The following MGAT4C variants were observed in gnomAD, a reference collection of about 807,000 sequenced individuals.
MGAT4C encodes the protein alpha-1,3-mannosyl-glycoprotein 4-beta-N-acetylglucosaminyltransferase C.
Under a neutral mutation model 40.1 loss-of-function variants are expected in MGAT4C, and 19 were observed. The observed-to-expected ratio is 0.47, with a 90% CI of 0.33 to 0.70. The LOEUF (loss-of-function observed/expected upper bound fraction) is 0.70, where lower values mean the gene tolerates loss of function less well. Ranked by LOEUF, MGAT4C falls within the 30% of genes least tolerant of loss-of-function variation. The pLI, the probability that MGAT4C is intolerant of heterozygous loss-of-function variation, is 0.02. For synonymous variants in MGAT4C, 181 were observed against 187.1 expected, an observed-to-expected ratio of 0.97 and a Z score of 0.27; for missense variants, 491 against 563.2, an observed-to-expected ratio of 0.87 and a Z score of 1.30.
At chr12:86,491,518 C>T (rs1169639703) in intron 2 of MGAT4C, among the ~76,000 whole-genome samples, 1 of 152,000 alleles carries the variant, frequency 6.6e-6, no homozygotes, top group Non-Finnish European at 1.5e-5. Context: ...CGTAATCCAG[C>T]ATATAAACAG....
At chr12:86,091,540 G>A (rs1300737741) in intron 1 of MGAT4C, among the ~76,000 whole-genome samples, 1 of 152,032 alleles carries the variant, frequency 6.6e-6, no homozygotes, top group South Asian at 2.1e-4. Context: ...ACCAATGTCA[G>A]CATCTAGAGA....
chr12:85,997,758 A>G (rs887924746), intron 2 of MGAT4C, among the ~76,000 whole-genome samples: 4 of 152,168 alleles, frequency 2.6e-5, no homozygotes, highest in African/African-American at 9.7e-5. Context: ...CTCTGCCCCA[A>G]TGGCTTTGCA....
rs193088389 is a variant in MGAT4C, at chr12:86,759,234, T to C, written c.-261-31993A>G. Among the ~76,000 whole-genome samples the C allele has an allele frequency of 1.1e-3, 169 of 152,276 alleles. 1 individual carries two copies. Among genetic ancestry groups the C allele is most frequent in the African/African-American group, 4.0e-3 (166 of 41,578 alleles). ...GTCATAATTTCATTATTTTTATGGCTGAATAGTATTCCATTGTGTATATAT... is the reference window on the plus strand; with the variant it reads ...GTCATAATTTCATTATTTTTATGGCCGAATAGTATTCCATTGTGTATATAT... On this transcript the variant is annotated intron_variant, in intron 1 of 7. Coordinates refer to the MGAT4C transcript ENST00000548651.
intron 3 of MGAT4C, among the ~76,000 whole-genome samples, chr12:86,402,105 T>C (rs1956374652): frequency 1.3e-5 from 2 of 152,004 alleles, no homozygotes; most frequent in South Asian, 4.1e-4. Context: ...TTTAATTTGG[T>C]GTCGTCTATT....
At chr12:86,324,584 G>A (rs928887866) in intron 4 of MGAT4C, among the ~76,000 whole-genome samples, 1 of 151,848 alleles carries the variant, frequency 6.6e-6, no homozygotes, top group Admixed American at 6.6e-5. Flanking sequence ...ATTTGAAAGG[G>A]AAAATATATA....
At chr12:86,630,005 G>A (rs1255664150) in intron 2 of MGAT4C, among the ~76,000 whole-genome samples, 1 of 151,836 alleles carries the variant, frequency 6.6e-6, no homozygotes, top group Non-Finnish European at 1.5e-5. Flanking sequence ...TAGACCACTA[G>A]CAAAACTAAT....
chr12:86,134,258 T>C (rs954213537), intron 1 of MGAT4C, among the ~76,000 whole-genome samples: 13 of 152,124 alleles, frequency 8.5e-5, no homozygotes, highest in Admixed American at 2.0e-4. Context: ...CAGTAATTTT[T>C]AGTCCTCATT....
chr12:86,490,004 A>G (rs1253306176), intron 2 of MGAT4C, among the ~76,000 whole-genome samples: 4 of 152,190 alleles, frequency 2.6e-5, no homozygotes, highest in African/African-American at 9.6e-5. Flanking sequence ...ACTCTGCAGG[A>G]TATCATCCAG....
intron 3 of MGAT4C, among the ~76,000 whole-genome samples, chr12:86,389,300 G>A (rs1348954298): frequency 6.6e-6 from 1 of 152,108 alleles, no homozygotes; most frequent in East Asian, 1.9e-4. Context: ...GCAGTATTTG[G>A]TTTTCTGTTC....
chr12:86,764,235 C>T (rs1340637536), intron 1 of MGAT4C, among the ~76,000 whole-genome samples: 1 of 152,140 alleles, frequency 6.6e-6, no homozygotes, highest in East Asian at 1.9e-4. Context: ...TTGGAGGGTC[C>T]TATGCCCACG....
intron 3 of MGAT4C, among the ~76,000 whole-genome samples, chr12:86,430,258 T>A (rs769515619): frequency 6.6e-6 from 1 of 152,190 alleles, no homozygotes; most frequent in Non-Finnish European, 1.5e-5. Flanking sequence ...TTTCTAGATC[T>A]CCATTTCTTT....
intron 2 of MGAT4C, among the ~76,000 whole-genome samples, chr12:86,618,047 A>G (rs926784815): frequency 3.3e-5 from 5 of 152,218 alleles, no homozygotes; most frequent in African/African-American, 1.2e-4. Context: ...TCAAAGGAAT[A>G]CATACAAGTG....
chr12:86,274,994 C>T (rs1953036658), intron 4 of MGAT4C, among the ~76,000 whole-genome samples: 1 of 152,266 alleles, frequency 6.6e-6, no homozygotes, highest in African/African-American at 2.4e-5. Context: ...GGCCCACAGA[C>T]ATTTTAGCAT....
At chr12:86,263,821 A>C (rs779382486) in intron 4 of MGAT4C, among the ~76,000 whole-genome samples, 12 of 152,128 alleles carry the variant, frequency 7.9e-5, no homozygotes, top group Non-Finnish European at 1.5e-4. Flanking sequence ...TTTTCTCTAA[A>C]TTCTCACTAA....
intron 3 of MGAT4C, among the ~76,000 whole-genome samples, chr12:86,354,063 T>C (rs551896737): frequency 2.0e-5 from 3 of 152,216 alleles, no homozygotes; most frequent in Non-Finnish European, 4.4e-5. Flanking sequence ...GAAAAAACTT[T>C]GATATGATGA....
rs563763429 is a variant in MGAT4C, at chr12:86,685,837, A to G, written c.-229+41372T>C. Among the ~76,000 whole-genome samples, 137 of 148,058 alleles carry G rather than the reference A, an allele frequency of 9.3e-4. 2 individuals are homozygous for G. The highest frequency in any genetic ancestry group is 3.3e-3 in the African/African-American group (132 of 40,386). On this transcript the variant is annotated intron_variant, in intron 2 of 7. Transcript: ENST00000548651. ...TCATTATTTGGCTCTCTGTTTTTCT[A>G]TTATTGGTGTATAGGAATGCTTGTG... is the stretch of plus-strand genomic sequence containing the variant.
At chr12:86,174,124 TACACACACACACACAC>T (rs71445051) in intron 1 of MGAT4C, among the ~76,000 whole-genome samples, 1 of 143,810 alleles carries the variant, frequency 7.0e-6, no homozygotes, top group East Asian at 2.0e-4. Context: ...CACACACACA[TACACACACACACACAC>T]ACACACACAC....
intron 1 of MGAT4C, among the ~76,000 whole-genome samples, chr12:86,075,863 G>C (rs150792264): frequency 6.2e-4 from 94 of 152,282 alleles, no homozygotes; most frequent in Non-Finnish European, 1.0e-3. Context: ...TGGGCCTCTG[G>C]GCCTGTGGTG....
chr12:86,575,682 T>G (rs573167527), intron 2 of MGAT4C, among the ~76,000 whole-genome samples: 1 of 151,994 alleles, frequency 6.6e-6, no homozygotes, highest in Middle Eastern at 3.4e-3. Flanking sequence ...AGTCCAGGTA[T>G]CTCATTGATA....
Sources: gnomAD v4.1 joint callset for allele counts (sites outside exome capture counted in the v4.1 genomes callset) on GRCh38, gnomAD v4.1.1 for gene constraint, MANE v1.5 for transcripts, NCBI Gene and HGNC (gene_info 2026-07-23, HGNC 2026-07-21) for gene names.